The following RANBP9 variants were observed in gnomAD, a reference collection of about 807,000 sequenced individuals.
RANBP9 encodes the protein RAN binding protein 9.
A neutral mutation model predicts 84.3 loss-of-function variants in RANBP9; 15 were observed. The observed-to-expected ratio is 0.18, with a 90% CI of 0.12 to 0.27. The LOEUF is 0.27. Among genes scored for constraint, RANBP9 ranks in the 10% least tolerant of loss-of-function variants. RANBP9 has a pLI of 1.00. For synonymous variants in RANBP9, 392 were observed against 349.6 expected, an observed-to-expected ratio of 1.12 and a Z score of -1.35; for missense variants, 809 against 912.8, an observed-to-expected ratio of 0.89 and a Z score of 1.46.
At chr6:13,674,929 T>G (rs1765855429) in intron 2 of RANBP9, among the ~76,000 whole-genome samples, 1 of 152,242 alleles carries the variant, frequency 6.6e-6, no homozygotes, top group African/African-American at 2.4e-5. Context: ...CAGTAATAAC[T>G]GTCTCAGTGA....
Position 13,711,142 on chromosome 6 carries a change from C to T in RANBP9, c.364G>A (p.Ala122Thr). 1.3e-6 allele frequency: 2 copies of T among 1,520,600 alleles called. No homozygotes were observed. The highest frequency in any genetic ancestry group is 1.8e-6 in the Non-Finnish European group (2 of 1,134,262). The allele number at this position is 1,520,600 out of a possible 1,614,324, so 94.2% of individuals were successfully genotyped here. A position where few individuals can be genotyped will look rare whatever the true frequency, so the allele number is the denominator to read the frequency against. The change falls in exon 1 of 14, where the codon GCT becomes ACT. Residue 122 changes from alanine to threonine, a missense_variant. Around this residue, in one of 5 missense-constraint regions of RANBP9, gnomAD observed 302 missense variants for 240.1 expected, o/e 1.26. Coordinates refer to ENST00000011619, the MANE Select transcript of RANBP9 (RefSeq NM_005493.3). ...PGPAGGAPTP[A>T]LVAGSSAAAP... The stretch of plus-strand genomic sequence containing the variant: ...GCGGCGCTGCTGCCCGCCACCAGAG[C>T]TGGGGTCGGGGCTCCTCCAGCCGGG...
intron 2 of RANBP9, among the ~76,000 whole-genome samples, chr6:13,676,041 T>C (rs1765878787): frequency 6.6e-6 from 1 of 152,036 alleles, no homozygotes; most frequent in South Asian, 2.1e-4. Context: ...CTCTGGTAAC[T>C]AGATCGAATT....
In RANBP9 at chr6:13,696,829, C is replaced by G. The variant is rs768362983; in HGVS notation, c.639G>C (p.Gly213=). 1 of 1,612,812 alleles carries G rather than the reference C, an allele frequency of 6.2e-7. No individual in the cohort carries two copies. Among genetic ancestry groups the G allele is most frequent in the South Asian group, 1.1e-5 (1 of 90,948 alleles). Residue 213 remains glycine, a synonymous_variant, in exon 2 of 14, where the codon GGG becomes GGC. Transcript: ENST00000011619. ...CAATTTTTACTTCAAAATAATAAATCCCACAGGCTGCTGGTATTGGATGCG... is the reference window on the plus strand; with the variant it reads ...CAATTTTTACTTCAAAATAATAAATGCCACAGGCTGCTGGTATTGGATGCG... ...RATHPIPAAC[G]IYYFEVKIVS... is the part of the protein sequence containing the mutation.
chr6:13,697,597 C>T (rs1230950006), intron 1 of RANBP9, among the ~76,000 whole-genome samples: 1 of 152,166 alleles, frequency 6.6e-6, no homozygotes, highest in Non-Finnish European at 1.5e-5. Flanking sequence ...TTTAAACCAG[C>T]TATTCCTCAA....
Position 13,641,138 on chromosome 6 carries a change from A to T in RANBP9, c.1334+61T>A, listed in dbSNP as rs1765053059. The T allele has an allele frequency of 8.4e-6, 9 of 1,065,720 alleles. No homozygotes were observed. In the Admixed American group the frequency reaches 2.4e-4, roughly 29 times the overall value. The allele number at this position is 1,065,720 out of a possible 1,614,324, so 66.0% of individuals were successfully genotyped here. A position where few individuals can be genotyped will look rare whatever the true frequency, so the allele number is the denominator to read the frequency against. Reference sequence around the variant, plus strand: ...CAAAAGCACGAAAATGTCTTTTATTACATAACTTGACAAATATTTATAATA... The same window carrying T: ...CAAAAGCACGAAAATGTCTTTTATTTCATAACTTGACAAATATTTATAATA... On this transcript the variant is annotated intron_variant, in intron 8 of 13. Coordinates refer to ENST00000011619, the MANE Select transcript of RANBP9 (RefSeq NM_005493.3).
rs186996232 is a variant in RANBP9 at position 13,688,126 on chromosome 6, G to A, written c.683+8659C>T. Among the ~76,000 whole-genome samples, 101 of 152,296 alleles carry A rather than the reference G, an allele frequency of 6.6e-4. 1 individual carries two copies. The highest frequency in any genetic ancestry group is 6.8e-3 in the Middle Eastern group (2 of 294). On this transcript the variant is annotated intron_variant, in intron 2 of 13. Coordinates refer to ENST00000011619, the MANE Select transcript of RANBP9 (RefSeq NM_005493.3). ...TGAGTTATGTAATTTAGTCTTATGA[G>A]GTTGGCACTATTATTTCCTTTTCAC...
chr6:13,632,465 C>T lies in RANBP9; in HGVS notation c.1852G>A (p.Glu618Lys). The T allele has an allele frequency of 6.2e-7, 1 of 1,613,912 alleles. No individual in the cohort carries two copies. The highest frequency in any genetic ancestry group is 8.5e-7 in the Non-Finnish European group (1 of 1,179,886). The change falls in exon 12 of 14, where the codon GAA becomes AAA. Residue 618 changes from glutamate to lysine, a missense_variant. Around this residue, in one of 5 missense-constraint regions of RANBP9, gnomAD observed 233 missense variants for 234.4 expected, o/e 0.99. Transcript: ENST00000011619. The part of the protein sequence containing the change: ...QLCGGSQAAI[E>K]RMIHFGRELQ... ...TCTCGTCCAAAGTGGATCATTCTTT[C>T]TATGGCGGCCTGACTTCCTCCACAC...
intron 5 of RANBP9, among the ~76,000 whole-genome samples, chr6:13,647,031 ATGC>A (rs2127766972): frequency 6.6e-6 from 1 of 152,344 alleles, no homozygotes; most frequent in African/African-American, 2.4e-5. Flanking sequence ...AGAATACCCA[ATGC>A]TGATAAGGGT....
intron 2 of RANBP9, among the ~76,000 whole-genome samples, chr6:13,696,345 C>T (rs909800844): frequency 6.6e-6 from 1 of 152,186 alleles, no homozygotes; most frequent in Non-Finnish European, 1.5e-5. Flanking sequence ...CCTTGAAAAT[C>T]TCCTCTAGTT....
chr6:13,629,376 T>C (rs1429375375), intron 12 of RANBP9, among the ~76,000 whole-genome samples: 1 of 152,204 alleles, frequency 6.6e-6, no homozygotes, highest in Non-Finnish European at 1.5e-5. Flanking sequence ...ACTACAGTTA[T>C]TAGCTAGTTA....
intron 2 of RANBP9, among the ~76,000 whole-genome samples, chr6:13,695,401 GTTT>G (rs773285024): frequency 9.4e-5 from 8 of 84,804 alleles, no homozygotes; most frequent in Admixed American, 1.4e-4. Flanking sequence ...CCAACCAAAT[GTTT>G]TTTTTTTTTT....
chr6:13,651,880 G>C (rs1262039673), intron 5 of RANBP9, among the ~76,000 whole-genome samples: 1 of 152,034 alleles, frequency 6.6e-6, no homozygotes, highest in African/African-American at 2.4e-5. Context: ...TATTATCTCT[G>C]ATCATCTGCT....
chr6:13,643,079 C>CA (rs1355810601), intron 6 of RANBP9, among the ~76,000 whole-genome samples: 1 of 152,102 alleles, frequency 6.6e-6, no homozygotes, highest in Non-Finnish European at 1.5e-5. Context: ...AGTGGGATCA[C>CA]AAAGTATGTA....
At chr6:13,677,131 A>G (rs1473484501) in intron 2 of RANBP9, among the ~76,000 whole-genome samples, 1 of 152,150 alleles carries the variant, frequency 6.6e-6, no homozygotes, top group Admixed American at 6.6e-5. Context: ...ACAGAAAAAA[A>G]CCTCTTGGAA....
Position 13,711,512 on chromosome 6 carries a change from C to G in RANBP9, c.-7G>C. ...GCGGCGGCTGCCCGGACATCCCGGCCGCGACTCAGCCTGCGGCCACCTCCA... is the reference window on the plus strand; with the variant it reads ...GCGGCGGCTGCCCGGACATCCCGGCGGCGACTCAGCCTGCGGCCACCTCCA... On this transcript the variant is annotated 5_prime_UTR_variant, in exon 1 of 14. Transcript: ENST00000011619. 1 of 1,247,846 alleles carries G rather than the reference C, an allele frequency of 8.0e-7. No individual in the cohort carries two copies. The highest frequency in any genetic ancestry group is 1.0e-6 in the Non-Finnish European group (1 of 993,224). 77.3% of individuals were successfully genotyped at this position (1,247,846 alleles called of 1,614,324 possible).
In RANBP9 at chr6:13,696,768, C is replaced by A; in HGVS notation, c.683+17G>T. ...AAAAAAACTAGCAAACGATTTTTCT[C>A]ACCAAAATTTACTTACCCATCTCTT... On this transcript the variant is annotated intron_variant, in intron 2 of 13. Coordinates refer to ENST00000011619, the MANE Select transcript of RANBP9 (RefSeq NM_005493.3). The A allele has an allele frequency of 1.3e-6, 2 of 1,571,616 alleles. No individual in the cohort carries two copies. The highest frequency in any genetic ancestry group is 1.4e-5 in the African/African-American group (1 of 73,318).
chr6:13,672,381 A>G (rs990701842), intron 2 of RANBP9, among the ~76,000 whole-genome samples: 2 of 152,304 alleles, frequency 1.3e-5, no homozygotes, highest in East Asian at 1.9e-4. Context: ...GGGCTCCAAT[A>G]TAACAGATTA....
At chr6:13,707,525 G>A (rs545226551) in intron 1 of RANBP9, among the ~76,000 whole-genome samples, 183 of 152,094 alleles carry the variant, frequency 1.2e-3, no homozygotes, top group African/African-American at 4.2e-3. Context: ...ATCTACTTGA[G>A]ATAATTAAGT....
chr6:13,675,856 C>T lies in RANBP9; in HGVS notation c.684-17024G>A, dbSNP rs569177630. The stretch of plus-strand genomic sequence containing the variant: ...GTATTAAAGAAACATTTATAACTAA[C>T]TTTATGCCCACAAATTTGATTATTT... On this transcript the variant is annotated intron_variant, in intron 2 of 13. Coordinates refer to ENST00000011619, the MANE Select transcript of RANBP9 (RefSeq NM_005493.3). 1.2e-4 allele frequency among the ~76,000 whole-genome samples: 18 copies of T among 151,760 alleles called. No homozygotes were observed. In the East Asian group the frequency reaches 3.3e-3, roughly 28 times the overall value.
Sources: allele counts gnomAD v4.1 joint callset (sites outside exome capture counted in the v4.1 genomes callset), GRCh38; gene constraint gnomAD v4.1.1; regional missense constraint gnomAD v4.1.1; transcripts MANE v1.5; gene names NCBI Gene and HGNC (gene_info 2026-07-23, HGNC 2026-07-21).